PSG7: variants seen among roughly 807,000 people sequenced by gnomAD.
The protein encoded by PSG7 is pregnancy specific beta-1-glycoprotein 7, also known as pregnancy-specific beta-1-glycoprotein 7.
Under a neutral mutation model 45.6 loss-of-function variants are expected in PSG7, and 57 were observed. The observed-to-expected ratio is 1.25, with a 90% confidence interval of 1.01 to 1.56. The LOEUF is 1.56. Ranked by LOEUF, PSG7 falls within the 40% of genes most tolerant of loss-of-function variation. The pLI, the probability that PSG7 is intolerant of heterozygous loss-of-function variation, is 0.00. For missense variants in PSG7, 796 were observed against 508.4 expected (o/e 1.57, Z -5.44); for synonymous variants, 298 against 194.4 (o/e 1.53, Z -4.43).
chr19:42,933,346 C>G (rs1973074995), intron 2 of PSG7, among the ~76,000 whole-genome samples: 1 of 104,998 alleles, frequency 9.5e-6, no homozygotes, highest in Admixed American at 1.3e-4. Context: ...GTGCAGGAGG[C>G]CAGAAGAACT....
chr19:42,928,897 C>G (rs1341207658), intron 3 of PSG7, among the ~76,000 whole-genome samples: 2 of 151,516 alleles, frequency 1.3e-5, no homozygotes. Flanking sequence ...GTATAAAGAA[C>G]ACTTGTACTG....
intron 3 of PSG7, chr19:42,927,169 A>G (rs1972913538): frequency 5.1e-6 from 1 of 197,526 alleles, no homozygotes; most frequent in Admixed American, 5.3e-5. Flanking sequence ...TAATAATGGG[A>G]CTTCCCATTG....
chr19:42,935,599 C>A lies in PSG7; in HGVS notation c.235G>T (p.Val79Phe), dbSNP rs577426866. 6.2e-7 allele frequency: 1 copy of A among 1,612,058 alleles called. No homozygotes were observed. The highest frequency in any genetic ancestry group is 8.5e-7 in the Non-Finnish European group (1 of 1,179,080). Reference sequence around the variant, plus strand: ...TGACCGTCTACTATATATGATGTAACATAATGGTAGAGGTCCCTGATTTGT... The same window carrying A: ...TGACCGTCTACTATATATGATGTAAAATAATGGTAGAGGTCCCTGATTTGT... ...KGQIRDLYHYVTSYIVDGQII... is the reference protein window; with the variant it reads ...KGQIRDLYHYFTSYIVDGQII... The change falls in exon 2 of 6, where the codon GTT becomes TTT. Residue 79 changes from valine to phenylalanine, a missense_variant. By Grantham distance (50) the Val-to-Phe change is conservative. Coordinates refer to ENST00000406070, the MANE Select transcript of PSG7 (RefSeq NM_002783.3).
intron 2 of PSG7, among the ~76,000 whole-genome samples, chr19:42,933,211 C>G (rs2122692225): frequency 7.5e-6 from 1 of 133,454 alleles, no homozygotes; most frequent in Admixed American, 8.1e-5. Context: ...CTCTGTCCTC[C>G]TGTTTGGCAG....
rs926381053 is a variant in PSG7 at position 42,935,137 on chromosome 19, G to T, written c.430+267C>A. ...TTATGAAGAGGGCATGAGGTGCTTGGCTGAGACTGATCTCCTCCTGCTGAG... is the reference window on the plus strand; with the variant it reads ...TTATGAAGAGGGCATGAGGTGCTTGTCTGAGACTGATCTCCTCCTGCTGAG... On this transcript the variant is annotated intron_variant, in intron 2 of 5. Coordinates refer to ENST00000406070, the MANE Select transcript of PSG7 (RefSeq NM_002783.3). Among the ~76,000 whole-genome samples, 33 of 151,836 alleles carry T rather than the reference G, an allele frequency of 2.2e-4. 1 individual carries two copies. The highest frequency in any genetic ancestry group is 3.4e-4 in the African/African-American group (14 of 41,364).
chr19:42,935,086 T>A lies in PSG7; in HGVS notation c.430+318A>T, dbSNP rs138240772. On this transcript the variant is annotated intron_variant, in intron 2 of 5. Coordinates refer to ENST00000406070, the MANE Select transcript of PSG7 (RefSeq NM_002783.3). The stretch of plus-strand genomic sequence containing the variant: ...CCCTCAGGCCAAGCCCTACTCAGTT[T>A]TCCAGGGTCTTTCTCAGGGTCAAAT... Among the ~76,000 whole-genome samples, 668 of 151,700 alleles carry A rather than the reference T, an allele frequency of 4.4e-3. 17 individuals carry two copies. Among genetic ancestry groups the A allele is most frequent in the African/African-American group, 0.015 (611 of 41,254 alleles).
chr19:42,934,029 A>G (rs1973093201), intron 2 of PSG7, among the ~76,000 whole-genome samples: 1 of 151,280 alleles, frequency 6.6e-6, no homozygotes, highest in Non-Finnish European at 1.5e-5. Flanking sequence ...CAATTCCTTT[A>G]TTTGTTATGT....
rs182128506 is a variant in PSG7, at chr19:42,936,265, C to T, written c.65-496G>A. 1.0e-4 allele frequency: 17 copies of T among 162,470 alleles called. No homozygotes were observed. In the East Asian group the frequency reaches 3.1e-3, roughly 30 times the overall value. 10.1% of individuals were successfully genotyped at this position (162,470 alleles called of 1,614,324 possible). ...GTCTTCCTCCCCATGACAGCATGAG[C>T]TCCGTGAGGACAGGGACTTTTGTGA... On this transcript the variant is annotated intron_variant, in intron 1 of 5. Coordinates refer to ENST00000406070, the MANE Select transcript of PSG7 (RefSeq NM_002783.3).
At position 42,924,610 on chromosome 19, in the gene PSG7, G is replaced by C; in HGVS notation, c.*198C>G. ...GTGAAGTCATCAACTTGTTTTCCTT[G>C]TTTACAGTTTGAGCAGCTGTTGTTA... On this transcript the variant is annotated 3_prime_UTR_variant, in exon 6 of 6. Coordinates refer to ENST00000406070, the MANE Select transcript of PSG7 (RefSeq NM_002783.3). 1 of 646,054 alleles carries C rather than the reference G, an allele frequency of 1.5e-6. No homozygotes were observed. Among genetic ancestry groups the C allele is most frequent in the Non-Finnish European group, 2.8e-6 (1 of 360,938 alleles). The allele number at this position is 646,054 out of a possible 1,614,324, so 40.0% of individuals were successfully genotyped here. A position where few individuals can be genotyped will look rare whatever the true frequency, so the allele number is the denominator to read the frequency against.
intron 3 of PSG7, 186 bp downstream of exon 3, chr19:42,929,256 T>C (rs1239957637): frequency 6.6e-6 from 9 of 1,372,472 alleles, no homozygotes; most frequent in Non-Finnish European, 5.9e-6. Flanking sequence ...GAGCAGCCTC[T>C]TTTCTCTTAT....
intron 3 of PSG7, 158 bp downstream of exon 3, chr19:42,929,284 C>T (rs1972963290): frequency 4.0e-6 from 6 of 1,508,578 alleles, no homozygotes; most frequent in East Asian, 2.3e-5. Flanking sequence ...CAAGCCTAGG[C>T]CTACTCTGGT....
In PSG7 at chr19:42,926,449, A is replaced by G; in HGVS notation, c.977T>C (p.Leu326Pro). The G allele has an allele frequency of 6.2e-7, 1 of 1,611,710 alleles. No individual in the cohort carries two copies. The highest frequency in any genetic ancestry group is 8.5e-7 in the Non-Finnish European group (1 of 1,178,962). The change falls in exon 4 of 6, where the codon CTG becomes CCG. Residue 326 changes from leucine to proline, a missense_variant. Physicochemically the swap from Leu to Pro is moderately conservative, Grantham distance 98. Transcript: ENST00000406070. Reference sequence around the variant, plus strand: ...TCAAGGATACTCACAGAGGACATTCAGGGTGACTGGGTCACTGCGGATGCC... The same window carrying G: ...TCAAGGATACTCACAGAGGACATTCGGGGTGACTGGGTCACTGCGGATGCC... ...YGGIRSDPVT[L>P]NVLYGPDLPR...
rs747071222 is a variant in PSG7, at chr19:42,929,703, A to T, written c.448T>A (p.Ser150Thr). The change falls in exon 3 of 6, where the codon TCC (serine) becomes ACC (threonine). Residue 150 changes from serine (S) to threonine (T), a missense_variant. Physicochemically the swap from Ser to Thr is moderately conservative, Grantham distance 58 (BLOSUM62 1). Transcript: ENST00000406070. Reference sequence around the variant, plus strand: ...GGGTTGAAATTGCTGCTGGAGATGGAGGGTTTGGGAGTCTCCACTGTGCGG... The same window carrying T: ...GGGTTGAAATTGCTGCTGGAGATGGTGGGTTTGGGAGTCTCCACTGTGCGG... ...FTLYLETPKP[S>T]ISSSNFNPRE... 10 of 1,611,940 alleles carry T rather than the reference A, an allele frequency of 6.2e-6. No homozygotes were observed. The African/African-American group carries it at 1.2e-4, about 19-fold the overall frequency.
rs551882239 is a variant in PSG7, at chr19:42,933,380, T to C, written c.430+2024A>G. 2.3e-4 allele frequency among the ~76,000 whole-genome samples: 31 copies of C among 135,728 alleles called. No individual in the cohort carries two copies. The Middle Eastern group carries it at 0.026, about 112-fold the overall frequency. 89.0% of individuals were successfully genotyped at this position (135,728 alleles called of 152,430 possible). A position where few individuals can be genotyped will look rare whatever the true frequency, so the allele number is the denominator to read the frequency against. On this transcript the variant is annotated intron_variant, in intron 2 of 5. Coordinates refer to ENST00000406070, the MANE Select transcript of PSG7 (RefSeq NM_002783.3). ...CTTGTCTGGCAATTATAAGAGTGGA[T>C]GGAGGAACTGCCTATCCCTGTCCCA...
chr19:42,928,161 A>G lies in PSG7; in HGVS notation c.709+1281T>C, dbSNP rs12460760. Among the ~76,000 whole-genome samples the G allele has an allele frequency of 4.2e-3, 637 of 151,538 alleles. 14 individuals are homozygous for G. Among genetic ancestry groups the G allele is most frequent in the Non-Finnish European group, 7.2e-3 (492 of 67,868 alleles). The stretch of plus-strand genomic sequence containing the variant: ...CCATGCTGCACTTGTATATTTTTGA[A>G]TGCCTTGGCATGTGAGAAAGGCTGA... On this transcript the variant is annotated intron_variant, in intron 3 of 5. Transcript: ENST00000406070.
intron 5 of PSG7, 152 bp downstream of exon 5, chr19:42,925,621 A>G: frequency 6.6e-7 from 1 of 1,504,772 alleles, no homozygotes. Flanking sequence ...CGAAGTTCTT[A>G]GACAAATTTG....
rs1439297678 is a variant in PSG7 at position 42,937,193 on chromosome 19, G to A, written c.-117C>T. On this transcript the variant is annotated 5_prime_UTR_variant, in exon 1 of 6. Transcript: ENST00000406070. ...CCTTCTGCACTGAGCCTCTTCCCGGGGCAGGAGCACTTCTCAAGCTCATGG... is the reference window on the plus strand; with the variant it reads ...CCTTCTGCACTGAGCCTCTTCCCGGAGCAGGAGCACTTCTCAAGCTCATGG... 3.5e-6 allele frequency: 5 copies of A among 1,431,506 alleles called. No individual in the cohort carries two copies. The highest frequency in any genetic ancestry group is 4.7e-6 in the Non-Finnish European group (5 of 1,055,518). The allele number at this position is 1,431,506 out of a possible 1,614,324, so 88.7% of individuals were successfully genotyped here. A position where few individuals can be genotyped will look rare whatever the true frequency, so the allele number is the denominator to read the frequency against.
At position 42,930,415 on chromosome 19, in the gene PSG7, T is replaced by G. The variant is rs546078582; in HGVS notation, c.431-695A>C. 9.9e-5 allele frequency among the ~76,000 whole-genome samples: 15 copies of G among 151,676 alleles called. 1 individual carries two copies. The South Asian group carries it at 2.9e-3, about 30-fold the overall frequency. On this transcript the variant is annotated intron_variant, in intron 2 of 5. Transcript: ENST00000406070. ...AAGAGTGAAGGGGACAGGCAAGAGC[T>G]GATAGGTTTGGCCCAAGACCATGTT...
At position 42,926,312 on chromosome 19, in the gene PSG7, G is replaced by A. The variant is rs1308232959; in HGVS notation, c.988+126C>T. 25 of 1,530,798 alleles carry A rather than the reference G, an allele frequency of 1.6e-5. No homozygotes were observed. The Admixed American group carries it at 4.7e-4, about 29-fold the overall frequency. The allele number at this position is 1,530,798 out of a possible 1,614,324, so 94.8% of individuals were successfully genotyped here. ...AGGGCAGGGAGTCATGGCCAGCTCG[G>A]ATGTCCAGAAGTAAATATGTCTATA... On this transcript the variant is annotated intron_variant, in intron 4 of 5. Coordinates refer to ENST00000406070, the MANE Select transcript of PSG7 (RefSeq NM_002783.3).
Sources: allele counts gnomAD v4.1 joint callset (sites outside exome capture counted in the v4.1 genomes callset), GRCh38; gene constraint gnomAD v4.1.1; transcripts MANE v1.5; gene names NCBI Gene and HGNC (gene_info 2026-07-23, HGNC 2026-07-21).